The following RAB2A variants were observed in gnomAD, a reference collection of about 807,000 sequenced individuals.
The protein encoded by RAB2A is ras-related protein Rab-2A.
In RAB2A, 7 loss-of-function variants were observed where a neutral mutation model predicts 32.5. The observed-to-expected ratio is 0.22, with a 90% CI of 0.12 to 0.40. RAB2A has a LOEUF of 0.40. RAB2A is among the 10% of genes least tolerant of loss of function. The probability of loss-of-function intolerance (pLI) is 1.00; values close to 1 mark genes in which losing one functional copy is unlikely to be tolerated. For missense variants in RAB2A, 108 were observed against 260.7 expected (o/e 0.41, Z 4.03); for synonymous variants, 79 against 85.2 (o/e 0.93, Z 0.40).
At chr8:60,575,688 A>G (rs1213590645) in intron 3 of RAB2A, among the ~76,000 whole-genome samples, 1 of 108,710 alleles carries the variant, frequency 9.2e-6, no homozygotes. Flanking sequence ...ACGGTGTTTC[A>G]CTCTTGCTGC....
At chr8:60,597,410 A>C (rs796932519) in intron 6 of RAB2A, among the ~76,000 whole-genome samples, 23 of 152,168 alleles carry the variant, frequency 1.5e-4, no homozygotes, top group African/African-American at 5.6e-4. Context: ...ACATGGACAC[A>C]GGGCGGGTAA....
At chr8:60,583,464 CT>C (rs1160728470) in intron 3 of RAB2A, among the ~76,000 whole-genome samples, 21 of 152,186 alleles carry the variant, frequency 1.4e-4, no homozygotes, top group Middle Eastern at 3.4e-3. Flanking sequence ...TCTCTTGTGT[CT>C]GTTTCACAAG....
At chr8:60,602,812 C>G (rs565039802) in intron 6 of RAB2A, among the ~76,000 whole-genome samples, 1 of 152,244 alleles carries the variant, frequency 6.6e-6, no homozygotes, top group African/African-American at 2.4e-5. Context: ...AGTGCTATGC[C>G]TTATGTTTTT....
intron 2 of RAB2A, among the ~76,000 whole-genome samples, chr8:60,569,366 A>G (rs1386016396): frequency 1.3e-5 from 2 of 152,132 alleles, no homozygotes; most frequent in Non-Finnish European, 2.9e-5. Flanking sequence ...TAAGATGTCT[A>G]TTGTATTATG....
chr8:60,553,514 A>G (rs187558642), intron 1 of RAB2A, among the ~76,000 whole-genome samples: 13 of 152,372 alleles, frequency 8.5e-5, no homozygotes, highest in Admixed American at 4.6e-4. Context: ...AAAAATGCAT[A>G]TATACTAAGT....
At chr8:60,565,877 ATTT>A (rs1303322350) in intron 2 of RAB2A, among the ~76,000 whole-genome samples, 2 of 151,068 alleles carry the variant, frequency 1.3e-5, no homozygotes, top group Non-Finnish European at 3.0e-5. Flanking sequence ...CACCCGGATA[ATTT>A]TTTGTGTTTC....
intron 6 of RAB2A, among the ~76,000 whole-genome samples, chr8:60,596,347 C>T (rs577470421): frequency 6.6e-6 from 1 of 152,272 alleles, no homozygotes; most frequent in South Asian, 2.1e-4. Flanking sequence ...AAACTATCAT[C>T]AGAGTGAACA....
chr8:60,546,891 C>CTTTTTT (rs6150606), intron 1 of RAB2A, among the ~76,000 whole-genome samples: 239 of 98,870 alleles, frequency 2.4e-3, no homozygotes, highest in Middle Eastern at 6.0e-3. Context: ...TTTTTTGGGT[C>CTTTTTT]TTTTTTTTTT....
At chr8:60,574,581 GTTC>G (rs1428284755) in intron 3 of RAB2A, among the ~76,000 whole-genome samples, 5 of 152,132 alleles carry the variant, frequency 3.3e-5, no homozygotes, top group African/African-American at 4.8e-5. Context: ...TTATTCACTT[GTTC>G]TTCTATTCTT....
chr8:60,585,057 G>A (rs1803826099), intron 5 of RAB2A, among the ~76,000 whole-genome samples: 2 of 152,150 alleles, frequency 1.3e-5, no homozygotes, highest in Admixed American at 1.3e-4. Flanking sequence ...GTAATCTGAA[G>A]GAGTTTTATC....
intron 5 of RAB2A, among the ~76,000 whole-genome samples, chr8:60,589,434 G>T (rs1406165378): frequency 3.3e-5 from 5 of 152,140 alleles, no homozygotes; most frequent in East Asian, 1.9e-4. Context: ...AGCAATTTTT[G>T]AATTAGACGC....
chr8:60,563,490 G>A (rs114733107), intron 2 of RAB2A, among the ~76,000 whole-genome samples: 1,738 of 152,202 alleles, frequency 0.011, 40 homozygotes, highest in African/African-American at 0.039. Flanking sequence ...GGAGGTAATG[G>A]CTTTTAAATA....
intron 1 of RAB2A, among the ~76,000 whole-genome samples, chr8:60,556,267 G>T (rs970534111): frequency 6.6e-6 from 1 of 152,158 alleles, no homozygotes; most frequent in Admixed American, 6.5e-5. Flanking sequence ...CAAAATTACA[G>T]CAGGAATAAG....
chr8:60,573,359 T>C (rs1808224266), intron 3 of RAB2A, among the ~76,000 whole-genome samples: 1 of 152,184 alleles, frequency 6.6e-6, no homozygotes, highest in Admixed American at 6.5e-5. Flanking sequence ...GTAGTAGCCA[T>C]TGAAAGAAGG....
In RAB2A at chr8:60,620,965, A is replaced by C. The variant is rs1045593798; in HGVS notation, c.*196A>C. 5.9e-6 allele frequency: 3 copies of C among 511,228 alleles called. No homozygotes were observed. Among genetic ancestry groups the C allele is most frequent in the African/African-American group, 2.0e-5 (1 of 50,206 alleles). The allele number at this position is 511,228 out of a possible 1,614,324, so 31.7% of individuals were successfully genotyped here. A position where few individuals can be genotyped will look rare whatever the true frequency, so the allele number is the denominator to read the frequency against. The stretch of plus-strand genomic sequence containing the variant: ...AAGACAGATTTTGGAGATTGTATTC[A>C]TATCTATTTGCATTTGATTTCTAGG... On this transcript the variant is annotated 3_prime_UTR_variant, in exon 8 of 8. Transcript: ENST00000262646.
chr8:60,537,207 C>T (rs539773934), intron 1 of RAB2A, among the ~76,000 whole-genome samples: 20 of 151,986 alleles, frequency 1.3e-4, no homozygotes, highest in Non-Finnish European at 2.4e-4. Flanking sequence ...TTATTCTAAT[C>T]GTATAAATAT....
rs1804485972 is a variant in RAB2A at position 60,618,657 on chromosome 8, A to G, written c.543+9A>G. 9.9e-7 allele frequency: 1 copy of G among 1,011,414 alleles called. No individual in the cohort carries two copies. The highest frequency in any genetic ancestry group is 3.4e-5 in the East Asian group (1 of 29,572). 62.7% of individuals were successfully genotyped at this position (1,011,414 alleles called of 1,614,324 possible). The stretch of plus-strand genomic sequence containing the variant: ...TTGACATTAATAATGAGGTATATAC[A>G]TATAAATATTGTTGGTCAATATTAA... On this transcript the variant is annotated intron_variant, in intron 7 of 7. Transcript: ENST00000262646.
chr8:60,618,088 A>G (rs1804477271), intron 6 of RAB2A, among the ~76,000 whole-genome samples: 1 of 152,180 alleles, frequency 6.6e-6, no homozygotes, highest in Non-Finnish European at 1.5e-5. Flanking sequence ...TATTCTACTA[A>G]TTGAATATCT....
At chr8:60,605,333 C>T (rs913105076) in intron 6 of RAB2A, among the ~76,000 whole-genome samples, 4 of 152,182 alleles carry the variant, frequency 2.6e-5, no homozygotes, top group African/African-American at 9.7e-5. Context: ...GGGGTGGAGC[C>T]CTCACAGAGC....
Sources: gnomAD v4.1 joint callset for allele counts (sites outside exome capture counted in the v4.1 genomes callset) on GRCh38, gnomAD v4.1.1 for gene constraint, MANE v1.5 for transcripts, NCBI Gene and HGNC (gene_info 2026-07-23, HGNC 2026-07-21) for gene names.